Variants in SPATA17 observed in about 807,000 individuals in gnomAD.
SPATA17 encodes the protein spermatogenesis-associated protein 17.
A neutral mutation model predicts 62.2 loss-of-function variants in SPATA17; 53 were observed. The observed-to-expected ratio is 0.85, with a 90% CI of 0.68 to 1.07. The LOEUF is 1.07. Among genes scored for constraint, SPATA17 ranks in the 50% least tolerant of loss-of-function variants. The pLI, the probability that SPATA17 is intolerant of heterozygous loss-of-function variation, is 0.00. For synonymous variants in SPATA17, 146 were observed against 146.8 expected (o/e 0.99, Z 0.04); for missense variants, 466 against 425.5 (o/e 1.10, Z -0.84).
intron 1 of SPATA17, among the ~76,000 whole-genome samples, chr1:217,636,724 C>T (rs980232300): frequency 3.3e-5 from 5 of 152,118 alleles, no homozygotes; most frequent in African/African-American, 1.2e-4. Flanking sequence ...GGGCCCAGCC[C>T]CTTTGACTTG....
At chr1:217,818,522 A>G (rs904991169) in intron 9 of SPATA17, among the ~76,000 whole-genome samples, 5 of 152,090 alleles carry the variant, frequency 3.3e-5, no homozygotes, top group Admixed American at 2.6e-4. Context: ...TTGTAATACA[A>G]TGATAAGTGT....
In SPATA17 at chr1:217,792,585, G is replaced by T. The variant is rs187837213; in HGVS notation, c.873-9133G>T. Among the ~76,000 whole-genome samples, 187 of 152,226 alleles carry T rather than the reference G, an allele frequency of 1.2e-3. 1 individual carries two copies. The highest frequency in any genetic ancestry group is 1.6e-3 in the Non-Finnish European group (107 of 68,016). On this transcript the variant is annotated intron_variant, in intron 8 of 10. Coordinates refer to ENST00000366933, the MANE Select transcript of SPATA17 (RefSeq NM_138796.4). Reference sequence around the variant, plus strand: ...TAACCTTCCAGCTCTAGAACCCACAGCTACTTCTGTTTTTCAGTTCAAATT... The same window carrying T: ...TAACCTTCCAGCTCTAGAACCCACATCTACTTCTGTTTTTCAGTTCAAATT...
At chr1:217,852,070 T>C (rs1248635426) in intron 9 of SPATA17, among the ~76,000 whole-genome samples, 1 of 151,972 alleles carries the variant, frequency 6.6e-6, no homozygotes, top group East Asian at 1.9e-4. Context: ...TCAAGGAAAA[T>C]GAATGAAACA....
In SPATA17 at chr1:217,633,176, C is replaced by T. The variant is rs187298308; in HGVS notation, c.68+1730C>T. 3.0e-4 allele frequency among the ~76,000 whole-genome samples: 45 copies of T among 150,190 alleles called. 1 individual carries two copies. Among genetic ancestry groups the T allele is most frequent in the African/African-American group, 8.8e-4 (36 of 40,868 alleles). ...TCGCAATACTGCACTCCAGCCTGGG[C>T]GACAGAGCAAGACTCTGTCTCAAAT... On this transcript the variant is annotated intron_variant, in intron 1 of 10. Coordinates refer to ENST00000366933, the MANE Select transcript of SPATA17 (RefSeq NM_138796.4).
rs1001089603 is a variant in SPATA17 at position 217,818,861 on chromosome 1, C to T, written c.1005+17011C>T. ...CACTTTAACCCTTTTCTCTCTCACC[C>T]ATATTACTTATTTCATTTTCCTTTT... is the stretch of plus-strand genomic sequence containing the variant. On this transcript the variant is annotated intron_variant, in intron 9 of 10. Transcript: ENST00000366933. Among the ~76,000 whole-genome samples the T allele has an allele frequency of 2.1e-5, 3 of 145,510 alleles. No individual in the cohort carries two copies. The Admixed American group carries it at 2.1e-4, about 10-fold the overall frequency.
At chr1:217,636,085 A>G (rs1023202598) in intron 1 of SPATA17, among the ~76,000 whole-genome samples, 3 of 136,840 alleles carry the variant, frequency 2.2e-5, no homozygotes, top group Non-Finnish European at 4.6e-5. Flanking sequence ...GTGAGCCGAG[A>G]TCGTGCCAAT....
At chr1:217,675,213 G>GT (rs1443665153) in intron 4 of SPATA17, among the ~76,000 whole-genome samples, 4 of 152,182 alleles carry the variant, frequency 2.6e-5, no homozygotes, top group Non-Finnish European at 4.4e-5. Flanking sequence ...AGATTACAGT[G>GT]TGTCAGAGTG....
At chr1:217,803,973 G>A (rs529262307) in intron 9 of SPATA17, among the ~76,000 whole-genome samples, 13 of 151,744 alleles carry the variant, frequency 8.6e-5, no homozygotes, top group African/African-American at 2.2e-4. Context: ...AGCTGAGATC[G>A]TGCCACTGCA....
At chr1:217,804,939 G>A (rs1447471292) in intron 9 of SPATA17, among the ~76,000 whole-genome samples, 1 of 152,164 alleles carries the variant, frequency 6.6e-6, no homozygotes, top group Non-Finnish European at 1.5e-5. Context: ...CTATTGGTGG[G>A]AATACAAATT....
chr1:217,646,152 C>T (rs1022337007), intron 1 of SPATA17, among the ~76,000 whole-genome samples: 2 of 152,088 alleles, frequency 1.3e-5, no homozygotes, highest in African/African-American at 4.8e-5. Context: ...CTATTAATCT[C>T]CTCATTTCCC....
At chr1:217,664,909 G>T (rs551826846) in intron 3 of SPATA17, among the ~76,000 whole-genome samples, 1 of 152,138 alleles carries the variant, frequency 6.6e-6, no homozygotes, top group South Asian at 2.1e-4. Flanking sequence ...GGAAAACAGG[G>T]GAGATAGGAT....
chr1:217,838,112 A>C (rs1675303618), intron 9 of SPATA17, among the ~76,000 whole-genome samples: 1 of 152,162 alleles, frequency 6.6e-6, no homozygotes, highest in Non-Finnish European at 1.5e-5. Context: ...ATATTTTATT[A>C]GCATACAATT....
intron 3 of SPATA17, among the ~76,000 whole-genome samples, chr1:217,657,478 T>A (rs1171047443): frequency 6.6e-6 from 1 of 152,202 alleles, no homozygotes; most frequent in Non-Finnish European, 1.5e-5. Flanking sequence ...CATGAAATGA[T>A]CTGCTGTTTT....
At chr1:217,719,156 A>G (rs1672069357) in intron 5 of SPATA17, among the ~76,000 whole-genome samples, 2 of 152,236 alleles carry the variant, frequency 1.3e-5, no homozygotes, top group Non-Finnish European at 2.9e-5. Flanking sequence ...TGTCCTCTGC[A>G]GTGGCCACCT....
At chr1:217,742,813 A>T (rs140626065) in intron 6 of SPATA17, among the ~76,000 whole-genome samples, 97 of 152,134 alleles carry the variant, frequency 6.4e-4, no homozygotes, top group African/African-American at 2.2e-3. Context: ...TTTTTTTCTC[A>T]TAGACCTTCA....
chr1:217,843,462 A>T (rs534903580), intron 9 of SPATA17, among the ~76,000 whole-genome samples: 1 of 152,156 alleles, frequency 6.6e-6, no homozygotes, highest in South Asian at 2.1e-4. Context: ...ACAAAAAAAA[A>T]TGAAATTTTT....
In SPATA17 at chr1:217,648,886, G is replaced by A. The variant is rs1670245750; in HGVS notation, c.73G>A (p.Val25Ile). ...TTTTTAAACATTTTGTTTTAGTGTT[G>A]TAGATCCATTTAGAAAAAAGGAGAA... The part of the protein sequence containing the change: ...GNQYYFRNSV[V>I]DPFRKKENDA... The change falls in exon 2 of 11, where the codon GTA becomes ATA. Residue 25 changes from valine to isoleucine, a missense_variant. Val to Ile is a conservative substitution (Grantham distance 29). Coordinates refer to ENST00000366933, the MANE Select transcript of SPATA17 (RefSeq NM_138796.4). 6.9e-6 allele frequency: 11 copies of A among 1,603,948 alleles called. 1 individual carries two copies. The East Asian group carries it at 2.2e-4, about 33-fold the overall frequency.
chr1:217,851,676 ATT>A (rs1456984048), intron 9 of SPATA17, among the ~76,000 whole-genome samples: 1 of 152,140 alleles, frequency 6.6e-6, no homozygotes, highest in Non-Finnish European at 1.5e-5. Context: ...TAATTTCTTG[ATT>A]TTTATACCAC....
At chr1:217,822,703 A>G (rs1007753661) in intron 9 of SPATA17, among the ~76,000 whole-genome samples, 5 of 149,168 alleles carry the variant, frequency 3.4e-5, no homozygotes, top group African/African-American at 1.2e-4. Context: ...GCTGATTTTT[A>G]TATACTTTTA....
Sources: allele counts gnomAD v4.1 joint callset (sites outside exome capture counted in the v4.1 genomes callset), GRCh38; gene constraint gnomAD v4.1.1; transcripts MANE v1.5; gene names NCBI Gene and HGNC (gene_info 2026-07-23, HGNC 2026-07-21).